Variants in PTPN9 observed in about 807,000 individuals in gnomAD.
The protein encoded by PTPN9 is protein tyrosine phosphatase non-receptor type 9, also known as tyrosine-protein phosphatase non-receptor type 9.
A neutral mutation model predicts 69.8 loss-of-function variants in PTPN9; 26 were observed. The observed-to-expected ratio is 0.37, with a 90% CI of 0.27 to 0.52. PTPN9 has a LOEUF of 0.52. PTPN9 is among the 20% of genes least tolerant of loss of function. The pLI is 0.91. For missense variants in PTPN9, 549 were observed against 740.3 expected, an observed-to-expected ratio of 0.74 and a Z score of 3.00; for synonymous variants, 274 against 272.5, an observed-to-expected ratio of 1.01 and a Z score of -0.05.
chr15:75,556,437 G>A (rs1244119936), intron 1 of PTPN9, among the ~76,000 whole-genome samples: 3 of 151,440 alleles, frequency 2.0e-5, no homozygotes, highest in Non-Finnish European at 4.4e-5. Flanking sequence ...GAGCGTAGTG[G>A]CACAATCTCG....
intron 1 of PTPN9, among the ~76,000 whole-genome samples, chr15:75,567,686 C>T (rs1046578880): frequency 6.6e-5 from 10 of 152,200 alleles, no homozygotes; most frequent in South Asian, 4.1e-4. Context: ...ACTACAGAAA[C>T]GGCCTTTCCC....
At chr15:75,483,122 T>C (rs1338270897) in intron 8 of PTPN9, among the ~76,000 whole-genome samples, 1 of 152,206 alleles carries the variant, frequency 6.6e-6, no homozygotes, top group African/African-American at 2.4e-5. Flanking sequence ...ACCCTCCTTA[T>C]ACATGGCTAG....
At chr15:75,494,431 C>CA (rs1041972124) in intron 7 of PTPN9, among the ~76,000 whole-genome samples, 5 of 151,948 alleles carry the variant, frequency 3.3e-5, no homozygotes, top group African/African-American at 1.2e-4. Flanking sequence ...TGGCTCACTG[C>CA]AACCTCCGCC....
At chr15:75,553,127 G>A (rs1433043968) in intron 1 of PTPN9, among the ~76,000 whole-genome samples, 1 of 152,054 alleles carries the variant, frequency 6.6e-6, no homozygotes, top group Non-Finnish European at 1.5e-5. Flanking sequence ...GGTAATATTT[G>A]TAAAATTCTT....
Position 75,477,644 on chromosome 15 carries a change from G to T in PTPN9, c.1129+2204C>A, listed in dbSNP as rs554414054. Among the ~76,000 whole-genome samples the T allele has an allele frequency of 3.9e-5, 6 of 152,088 alleles. No homozygotes were observed. The East Asian group carries it at 1.2e-3, about 29-fold the overall frequency. On this transcript the variant is annotated intron_variant, in intron 9 of 12. Coordinates refer to ENST00000618819, the MANE Select transcript of PTPN9 (RefSeq NM_002833.4). ...AAAATAAAGAAGTTGCAGACATTAT[G>T]ATATTTTATTCCTAAATACTTGAGC...
intron 8 of PTPN9, among the ~76,000 whole-genome samples, chr15:75,489,554 G>A (rs1468472136): frequency 6.6e-6 from 1 of 151,972 alleles, no homozygotes; most frequent in Non-Finnish European, 1.5e-5. Flanking sequence ...ACTGTACCTA[G>A]CCTGGGCAAT....
intron 1 of PTPN9, among the ~76,000 whole-genome samples, chr15:75,530,902 ATATAT>A (rs2074961342): frequency 9.3e-6 from 1 of 107,374 alleles, no homozygotes; most frequent in African/African-American, 3.3e-5. Flanking sequence ...ATATTATATT[ATATAT>A]TATAATATAT....
At chr15:75,482,770 T>C (rs529328176) in intron 8 of PTPN9, among the ~76,000 whole-genome samples, 3 of 147,606 alleles carry the variant, frequency 2.0e-5, no homozygotes, top group South Asian at 4.3e-4. Context: ...CCAAGAATTA[T>C]CAATAAAAAA....
In PTPN9 at chr15:75,481,324, C is replaced by T. The variant is rs1223209150; in HGVS notation, c.1063-1410G>A. On this transcript the variant is annotated intron_variant, in intron 8 of 12. Coordinates refer to ENST00000618819, the MANE Select transcript of PTPN9 (RefSeq NM_002833.4). ...GAGCGTCTCCGCCGGGCAGCCACCCCGTCCGGGAGGGAGGTGGGGGGGGGT... is the reference window on the plus strand; with the variant it reads ...GAGCGTCTCCGCCGGGCAGCCACCCTGTCCGGGAGGGAGGTGGGGGGGGGT... 3.2e-3 allele frequency among the ~76,000 whole-genome samples: 186 copies of T among 57,892 alleles called. 1 individual carries two copies. Among genetic ancestry groups the T allele is most frequent in the African/African-American group, 0.011 (166 of 15,046 alleles). The allele number at this position is 57,892 out of a possible 152,430, so 38.0% of individuals were successfully genotyped here. A position where few individuals can be genotyped will look rare whatever the true frequency, so the allele number is the denominator to read the frequency against.
chr15:75,471,199 G>A (rs146993641), intron 10 of PTPN9, among the ~76,000 whole-genome samples: 264 of 152,154 alleles, frequency 1.7e-3, no homozygotes, highest in African/African-American at 6.0e-3. Context: ...TACTTGGGAG[G>A]TTTAGGCAGG....
chr15:75,559,178 G>T (rs992663188), intron 1 of PTPN9, among the ~76,000 whole-genome samples: 1 of 150,708 alleles, frequency 6.6e-6, no homozygotes, highest in African/African-American at 2.4e-5. Context: ...CTGCCCGGCC[G>T]CCCCGTCTAA....
intron 7 of PTPN9, among the ~76,000 whole-genome samples, chr15:75,503,628 G>A (rs1483184922): frequency 0.11 from 3,429 of 31,652 alleles, no homozygotes; most frequent in African/African-American, 0.15. Flanking sequence ...CAGCCGCCCC[G>A]TCCGGGAGGT....
intron 7 of PTPN9, among the ~76,000 whole-genome samples, chr15:75,501,690 A>C (rs1475958930): frequency 6.6e-6 from 1 of 151,942 alleles, no homozygotes; most frequent in African/African-American, 2.4e-5. Context: ...ACTCCTGGGC[A>C]CAAATGATCC....
At position 75,518,189 on chromosome 15, in the gene PTPN9, T is replaced by G. The variant is rs903615567; in HGVS notation, c.423-825A>C. On this transcript the variant is annotated intron_variant, in intron 4 of 12. Coordinates refer to ENST00000618819, the MANE Select transcript of PTPN9 (RefSeq NM_002833.4). ...GAATTTGAGACCAGGCTGGGCAACA[T>G]GACAATACCTCATCATGTAGTGACC... is the stretch of plus-strand genomic sequence containing the variant. Among the ~76,000 whole-genome samples the G allele has an allele frequency of 5.3e-5, 8 of 152,026 alleles. 1 individual carries two copies. Among genetic ancestry groups the G allele is most frequent in the Admixed American group, 5.2e-4 (8 of 15,248 alleles).
In PTPN9 at chr15:75,557,120, T is replaced by C. The variant is rs144678687; in HGVS notation, c.63+21594A>G. Among the ~76,000 whole-genome samples, 22 of 152,308 alleles carry C rather than the reference T, an allele frequency of 1.4e-4. 1 individual carries two copies. The East Asian group carries it at 4.2e-3, about 29-fold the overall frequency. On this transcript the variant is annotated intron_variant, in intron 1 of 12. Transcript: ENST00000618819. ...ATGGACACTTGGGTTGTTCCACCTTTGGCTATTGAGAATAGTGCTGCTGAT... is the reference window on the plus strand; with the variant it reads ...ATGGACACTTGGGTTGTTCCACCTTCGGCTATTGAGAATAGTGCTGCTGAT...
chr15:75,481,028 G>A (rs1369901048), intron 8 of PTPN9, among the ~76,000 whole-genome samples: 2 of 73,988 alleles, frequency 2.7e-5, no homozygotes, highest in Non-Finnish European at 2.8e-5. Context: ...GAAGTGAGGA[G>A]CGCCTCTTCC....
intron 7 of PTPN9, among the ~76,000 whole-genome samples, chr15:75,492,960 C>T (rs2074719345): frequency 6.6e-6 from 1 of 151,858 alleles, no homozygotes; most frequent in Admixed American, 6.6e-5. Flanking sequence ...TCAAGACCAG[C>T]CTGGGCAACA....
intron 5 of PTPN9, among the ~76,000 whole-genome samples, chr15:75,509,834 A>G (rs2074837216): frequency 6.6e-6 from 1 of 152,052 alleles, no homozygotes; most frequent in African/African-American, 2.4e-5. Context: ...AAATACAAAG[A>G]TTAGCCGGGC....
rs1442575651 is a variant in PTPN9, at chr15:75,530,663, T to C, written c.64-3402A>G. On this transcript the variant is annotated intron_variant, in intron 1 of 12. Transcript: ENST00000618819. ...TACTATAATATATATTATTATATAA[T>C]ATACTATTATATATATTATTATATT... Among the ~76,000 whole-genome samples, 104 of 55,426 alleles carry C rather than the reference T, an allele frequency of 1.9e-3. 12 individuals carry two copies. The highest frequency in any genetic ancestry group is 2.5e-3 in the Non-Finnish European group (89 of 35,740). The allele number at this position is 55,426 out of a possible 152,430, so 36.4% of individuals were successfully genotyped here.
Sources: allele counts gnomAD v4.1 joint callset (sites outside exome capture counted in the v4.1 genomes callset), GRCh38; gene constraint gnomAD v4.1.1; transcripts MANE v1.5; gene names NCBI Gene and HGNC (gene_info 2026-07-23, HGNC 2026-07-21).